Variants in ANO2 observed in about 807,000 individuals in gnomAD.
The protein encoded by ANO2 is anoctamin-2.
A neutral mutation model predicts 124.2 loss-of-function variants in ANO2; 101 were observed. The observed-to-expected ratio is 0.81, with a 90% CI of 0.69 to 0.96. ANO2 has a LOEUF of 0.96. ANO2 is among the 40% of genes least tolerant of loss of function. ANO2 has a pLI of 0.00. For missense variants in ANO2, 1,293 were observed against 1,274.5 expected (o/e 1.01, Z -0.22); for synonymous variants, 486 against 482.5 (o/e 1.01, Z -0.09).
chr12:5,608,840 C>T (rs1318611525), intron 19 of ANO2: 1 of 152,256 alleles, frequency 6.6e-6, no homozygotes, highest in African/African-American at 2.4e-5. Flanking sequence ...GAGTTCTTGC[C>T]TCTCTTGTAT....
chr12:5,679,948 T>C (rs1948421091), intron 14 of ANO2, among the ~76,000 whole-genome samples: 1 of 152,132 alleles, frequency 6.6e-6, no homozygotes, highest in South Asian at 2.1e-4. Flanking sequence ...CATAGAACAC[T>C]ATGCAGCCAT....
intron 1 of ANO2, among the ~76,000 whole-genome samples, chr12:5,937,669 G>C (rs1435187483): frequency 1.3e-5 from 2 of 152,078 alleles, no homozygotes; most frequent in East Asian, 3.9e-4. Context: ...TTTCTAGCAG[G>C]AAGTTCAACT....
chr12:5,939,428 C>T (rs1243788425), intron 1 of ANO2, among the ~76,000 whole-genome samples: 2 of 152,028 alleles, frequency 1.3e-5, no homozygotes, highest in Non-Finnish European at 2.9e-5. Flanking sequence ...CAGTAAGGAT[C>T]AAAGATGAGT....
At chr12:5,815,894 T>C (rs1284010051) in intron 7 of ANO2, among the ~76,000 whole-genome samples, 1 of 152,128 alleles carries the variant, frequency 6.6e-6, no homozygotes, top group African/African-American at 2.4e-5. Context: ...TTTGTAAAAG[T>C]AGGCATTCAA....
At chr12:5,584,613 A>G (rs1009139641) in intron 20 of ANO2, among the ~76,000 whole-genome samples, 1 of 152,126 alleles carries the variant, frequency 6.6e-6, no homozygotes, top group Non-Finnish European at 1.5e-5. Flanking sequence ...GGTCATAACT[A>G]TTTATTTCCT....
intron 3 of ANO2, among the ~76,000 whole-genome samples, chr12:5,877,693 G>T (rs1191319947): frequency 6.6e-6 from 1 of 152,174 alleles, no homozygotes; most frequent in Non-Finnish European, 1.5e-5. Flanking sequence ...TTGGCACCAG[G>T]GACTAGTTTC....
chr12:5,913,067 C>T lies in ANO2; in HGVS notation c.534+7973G>A, dbSNP rs923245209. Among the ~76,000 whole-genome samples, 21 of 152,172 alleles carry T rather than the reference C, an allele frequency of 1.4e-4. 1 individual carries two copies. The highest frequency in any genetic ancestry group is 1.2e-3 in the Admixed American group (19 of 15,284). ...ATCCCCATCCCATAGAAATACACCA[C>T]GCCCCGATCCAGCACCAGCAGCCTG... On this transcript the variant is annotated intron_variant, in intron 3 of 24. Coordinates refer to ENST00000682330, the MANE Select transcript of ANO2 (RefSeq NM_001364791.2).
intron 20 of ANO2, among the ~76,000 whole-genome samples, chr12:5,587,073 G>A (rs7299338): frequency 3.9e-5 from 6 of 152,042 alleles, no homozygotes; most frequent in Admixed American, 1.3e-4. Flanking sequence ...CTGACAGCCC[G>A]TCCCCACACC....
intron 14 of ANO2, among the ~76,000 whole-genome samples, chr12:5,669,439 G>C (rs1438629240): frequency 1.3e-5 from 2 of 152,058 alleles, no homozygotes; most frequent in African/African-American, 4.8e-5. Context: ...GAAGTTTTGG[G>C]GCTGAGATGA....
intron 3 of ANO2, among the ~76,000 whole-genome samples, chr12:5,896,149 GACTACATATTGGGT>G (rs1939769929): frequency 6.6e-6 from 1 of 152,048 alleles, no homozygotes; most frequent in African/African-American, 2.4e-5. Context: ...AGGTATAAAA[GACTACATATTGGGT>G]ACAGTGTACA....
intron 19 of ANO2, among the ~76,000 whole-genome samples, chr12:5,603,348 G>A (rs967294864): frequency 6.6e-6 from 1 of 152,220 alleles, no homozygotes; most frequent in Non-Finnish European, 1.5e-5. Flanking sequence ...GTGTTATAAA[G>A]GGAGAAGTTT....
Position 5,635,140 on chromosome 12 carries a change from G to A in ANO2, c.1816+12C>T. 1.3e-6 allele frequency: 2 copies of A among 1,558,474 alleles called. No individual in the cohort carries two copies. The highest frequency in any genetic ancestry group is 2.3e-5 in the East Asian group (1 of 44,382). ...GGGCCTAGGACAGCCAGAAGTCTCG[G>A]TGACACAGTACCAATTTTGGTGAGC... On this transcript the variant is annotated intron_variant, in intron 16 of 24. Transcript: ENST00000682330. The surrounding 1 kb of genome is among the most constrained non-coding windows in gnomAD (Gnocchi z 5.2).
At chr12:5,797,089 G>A (rs7131706) in intron 10 of ANO2, among the ~76,000 whole-genome samples, 21,573 of 152,212 alleles carry the variant, frequency 0.14, 2,106 homozygotes, top group African/African-American at 0.28. Context: ...CACTCTTCCA[G>A]CACAGACCAT....
chr12:5,698,244 G>A (rs1410406080), intron 14 of ANO2, among the ~76,000 whole-genome samples: 2 of 152,170 alleles, frequency 1.3e-5, no homozygotes, highest in African/African-American at 4.8e-5. Context: ...CCTCTGAGAT[G>A]AAGCTTCCAG....
chr12:5,780,681 G>A (rs556962017), intron 10 of ANO2, among the ~76,000 whole-genome samples: 88 of 152,238 alleles, frequency 5.8e-4, no homozygotes, highest in African/African-American at 1.9e-3. Flanking sequence ...GTACGTGGCC[G>A]CAGGAGGATC....
intron 11 of ANO2, among the ~76,000 whole-genome samples, chr12:5,748,884 A>AAAC (rs1555156339): frequency 6.6e-5 from 10 of 150,948 alleles, no homozygotes; most frequent in Non-Finnish European, 1.0e-4. Context: ...AAAAAAAAAA[A>AAAC]AAAACAAAAC....
At chr12:5,578,340 G>T (rs780191637) in intron 21 of ANO2, 26 bp downstream of exon 21, 15 of 1,607,696 alleles carry the variant, frequency 9.3e-6, no homozygotes, top group Non-Finnish European at 1.2e-5. Context: ...GATGGGCCTG[G>T]TGGGGCCTCT....
chr12:5,863,782 C>T (rs1955343458), intron 3 of ANO2, among the ~76,000 whole-genome samples: 2 of 152,010 alleles, frequency 1.3e-5, no homozygotes, highest in Non-Finnish European at 2.9e-5. Flanking sequence ...TGCAACACTT[C>T]TTGTAACTTT....
chr12:5,827,712 G>C (rs746451775), intron 7 of ANO2, 57 bp downstream of exon 7: 4 of 1,562,608 alleles, frequency 2.6e-6, no homozygotes, highest in South Asian at 2.3e-5. Context: ...TTGAAAGCAC[G>C]GGGCGGGAGC....
Sources: allele counts gnomAD v4.1 joint callset (sites outside exome capture counted in the v4.1 genomes callset), GRCh38; gene constraint gnomAD v4.1.1; non-coding constraint Gnocchi (gnomAD v3.1); transcripts MANE v1.5; gene names NCBI Gene and HGNC (gene_info 2026-07-23, HGNC 2026-07-21).